Variants in TMPRSS11F observed in about 807,000 individuals in gnomAD.
TMPRSS11F encodes the protein transmembrane protease serine 11F.
A neutral mutation model predicts 60.2 loss-of-function variants in TMPRSS11F; 47 were observed. That is an observed-to-expected ratio of 0.78 (90% CI 0.62 to 1.00). The LOEUF is 1.00. Ranked by LOEUF, TMPRSS11F falls within the 50% of genes least tolerant of loss-of-function variation. The probability of loss-of-function intolerance (pLI) is 0.00; values close to 1 mark genes in which losing one functional copy is unlikely to be tolerated. For synonymous variants in TMPRSS11F, 166 were observed against 167.3 expected (o/e 0.99, Z 0.06); for missense variants, 519 against 522.9 (o/e 0.99, Z 0.07).
At chr4:68,090,664 G>C in intron 2 of TMPRSS11F, 23 bp from the exon 3 acceptor site, 1 of 1,581,040 alleles carries the variant, frequency 6.3e-7, no homozygotes, top group Non-Finnish European at 8.6e-7. Flanking sequence ...ACAAACAAAA[G>C]TCTCATGGTT....
intron 3 of TMPRSS11F, among the ~76,000 whole-genome samples, chr4:68,083,096 A>C (rs531127709): frequency 9.8e-5 from 15 of 152,316 alleles, no homozygotes; most frequent in African/African-American, 3.1e-4. Context: ...ACCCATGACA[A>C]CACCACCCTG....
intron 1 of TMPRSS11F, among the ~76,000 whole-genome samples, chr4:68,116,471 T>A (rs968416815): frequency 5.3e-5 from 8 of 152,096 alleles, no homozygotes; most frequent in Non-Finnish European, 1.5e-5. Context: ...CAATGGCATT[T>A]TTCACAGAAA....
chr4:68,056,918 C>A (rs1723059588), intron 9 of TMPRSS11F, among the ~76,000 whole-genome samples: 1 of 152,068 alleles, frequency 6.6e-6, no homozygotes, highest in African/African-American at 2.4e-5. Context: ...GACAAAGATG[C>A]CAAGAATACA....
chr4:68,071,715 G>T (rs529190330), intron 5 of TMPRSS11F, among the ~76,000 whole-genome samples: 2 of 151,982 alleles, frequency 1.3e-5, no homozygotes, highest in South Asian at 4.1e-4. Context: ...CTTTTCTTCC[G>T]CTTTGGAAGG....
At chr4:68,108,081 C>T (rs1014989453) in intron 1 of TMPRSS11F, among the ~76,000 whole-genome samples, 23 of 152,240 alleles carry the variant, frequency 1.5e-4, no homozygotes, top group Non-Finnish European at 1.3e-4. Context: ...GATTAGGGGA[C>T]CCTTGCAATA....
chr4:68,058,585 T>C (rs1231244803), intron 9 of TMPRSS11F, among the ~76,000 whole-genome samples: 1 of 152,232 alleles, frequency 6.6e-6, no homozygotes, highest in East Asian at 1.9e-4. Context: ...GCTTACATTT[T>C]AGTTAGTGGA....
intron 7 of TMPRSS11F, among the ~76,000 whole-genome samples, chr4:68,065,872 C>G (rs1723315102): frequency 6.6e-6 from 1 of 152,076 alleles, no homozygotes; most frequent in South Asian, 2.1e-4. Flanking sequence ...AATCCCAGCA[C>G]TTTGGGAGGC....
intron 3 of TMPRSS11F, among the ~76,000 whole-genome samples, chr4:68,086,269 AT>A (rs1473104036): frequency 6.6e-6 from 1 of 152,164 alleles, no homozygotes; most frequent in Non-Finnish European, 1.5e-5. Flanking sequence ...TTGCTCCTGA[AT>A]TACCTTTGGG....
At chr4:68,097,024 C>T (rs540832848) in intron 2 of TMPRSS11F, among the ~76,000 whole-genome samples, 4 of 152,182 alleles carry the variant, frequency 2.6e-5, no homozygotes, top group Admixed American at 2.0e-4. Flanking sequence ...CTATTTTATC[C>T]CATTCTACTT....
intron 3 of TMPRSS11F, among the ~76,000 whole-genome samples, chr4:68,084,889 C>G (rs1206968280): frequency 7.9e-6 from 1 of 126,300 alleles, no homozygotes; most frequent in Non-Finnish European, 1.7e-5. Flanking sequence ...CCCCCCTCCC[C>G]CCACCCCACC....
At chr4:68,068,239 A>G (rs887012292) in intron 7 of TMPRSS11F, among the ~76,000 whole-genome samples, 3 of 152,220 alleles carry the variant, frequency 2.0e-5, no homozygotes, top group African/African-American at 7.2e-5. Context: ...GGCAATGCTG[A>G]CAGTGGAAAG....
chr4:68,054,228 A>T (rs1393795669), intron 9 of TMPRSS11F, among the ~76,000 whole-genome samples, 161 bp from the exon 10 acceptor site: 2 of 152,090 alleles, frequency 1.3e-5, no homozygotes, highest in East Asian at 1.9e-4. Context: ...TTTTTGCTAA[A>T]CTTTAAAGGG....
chr4:68,064,946 T>C lies in TMPRSS11F; in HGVS notation c.756-2A>G, dbSNP rs747045282. ...ATCCATTGAGTTGGGTCTTTATTTC[T>C]GCAAAAAATTAAAAAGTAATACTTG... On this transcript the variant is annotated splice_acceptor_variant, in intron 7 of 9. Coordinates refer to ENST00000356291, the MANE Select transcript of TMPRSS11F (RefSeq NM_207407.2). LOFTEE classifies it high-confidence loss of function. 1 of 1,605,930 alleles carries C rather than the reference T, an allele frequency of 6.2e-7. No homozygotes were observed. The highest frequency in any genetic ancestry group is 1.1e-5 in the South Asian group (1 of 89,738).
chr4:68,089,535 T>C (rs1423446288), intron 3 of TMPRSS11F, among the ~76,000 whole-genome samples: 1 of 152,138 alleles, frequency 6.6e-6, no homozygotes, highest in African/African-American at 2.4e-5. Flanking sequence ...AGAAAATATA[T>C]TCATACTTAA....
At position 68,070,016 on chromosome 4, in the gene TMPRSS11F, A is replaced by T. The variant is rs765413581; in HGVS notation, c.515-9T>A. 1 of 1,603,596 alleles carries T rather than the reference A, an allele frequency of 6.2e-7. No individual in the cohort carries two copies. Among genetic ancestry groups the T allele is most frequent in the Non-Finnish European group, 8.5e-7 (1 of 1,174,512 alleles). ...CTTTTTGCTGTCAATAGCTGGAATA[A>T]GCAAAACATGAATTAGTTGGCAGAA... On this transcript the variant is annotated splice_polypyrimidine_tract_variant and intron_variant, in intron 5 of 9. Transcript: ENST00000356291.
intron 3 of TMPRSS11F, among the ~76,000 whole-genome samples, chr4:68,090,239 C>T (rs941450665): frequency 5.9e-5 from 9 of 151,870 alleles, no homozygotes; most frequent in Admixed American, 1.3e-4. Context: ...GAATCGAAAA[C>T]GATAAAATCA....
chr4:68,090,389 A>T, intron 3 of TMPRSS11F, 134 bp downstream of exon 3: 1 of 1,325,814 alleles, frequency 7.5e-7, no homozygotes, highest in East Asian at 2.8e-5. Context: ...AATCCTCACA[A>T]CTGTATGACT....
At position 68,116,257 on chromosome 4, in the gene TMPRSS11F, A is replaced by C. The variant is rs1724516749; in HGVS notation, c.11+13553T>G. ...TTTTTCCCAAGGGAAAATAACTAGAATATTCATACATTGGTGTTGGGAATG... is the reference window on the plus strand; with the variant it reads ...TTTTTCCCAAGGGAAAATAACTAGACTATTCATACATTGGTGTTGGGAATG... On this transcript the variant is annotated intron_variant, in intron 1 of 9. Transcript: ENST00000356291. 2.6e-5 allele frequency among the ~76,000 whole-genome samples: 4 copies of C among 152,336 alleles called. No individual in the cohort carries two copies. In the South Asian group the frequency reaches 8.3e-4, roughly 32 times the overall value.
At chr4:68,103,712 G>A (rs1724240185) in intron 1 of TMPRSS11F, among the ~76,000 whole-genome samples, 1 of 151,976 alleles carries the variant, frequency 6.6e-6, no homozygotes, top group Non-Finnish European at 1.5e-5. Context: ...ATGAGATTTC[G>A]ATAGGGATTG....
Sources: allele counts gnomAD v4.1 joint callset (sites outside exome capture counted in the v4.1 genomes callset), GRCh38; gene constraint gnomAD v4.1.1; transcripts MANE v1.5; gene names NCBI Gene and HGNC (gene_info 2026-07-23, HGNC 2026-07-21).